Variants in FAT1 observed in about 807,000 individuals in gnomAD.
The protein encoded by FAT1 is protocadherin Fat 1.
In FAT1, 171 loss-of-function variants were observed where a neutral mutation model predicts 329.8. The observed-to-expected ratio is 0.52, with a 90% confidence interval of 0.46 to 0.59. The LOEUF (loss-of-function observed/expected upper bound fraction) is 0.59, where lower values mean the gene tolerates loss of function less well. Among genes scored for constraint, FAT1 ranks in the 20% least tolerant of loss-of-function variants. FAT1 has a pLI of 0.00. For synonymous variants in FAT1, 2,233 were observed against 2,228.6 expected, an observed-to-expected ratio of 1.00 and a Z score of -0.06; for missense variants, 5,672 against 5,774.4, an observed-to-expected ratio of 0.98 and a Z score of 0.57.
rs561942085 is a variant in FAT1, at chr4:186,687,663, A to G, written c.3265+18900T>C. Among the ~76,000 whole-genome samples, 30 of 152,294 alleles carry G rather than the reference A, an allele frequency of 2.0e-4. No homozygotes were observed. The South Asian group carries it at 6.2e-3, about 32-fold the overall frequency. On this transcript the variant is annotated intron_variant, in intron 2 of 26. Coordinates refer to ENST00000441802, the MANE Select transcript of FAT1 (RefSeq NM_005245.4). ...TGGGATGTCAACTGGTATAATGCGT[A>G]TATCTCAAAATCCAAATAAATCCAA...
intron 3 of FAT1, among the ~76,000 whole-genome samples, chr4:186,660,594 T>G (rs1742122032): frequency 6.6e-6 from 1 of 152,218 alleles, no homozygotes; most frequent in Non-Finnish European, 1.5e-5. Flanking sequence ...CCTGCCGCCC[T>G]GCCAGCGGAG....
chr4:186,723,417 T>A (rs766581902), intron 1 of FAT1, among the ~76,000 whole-genome samples: 3 of 152,172 alleles, frequency 2.0e-5, no homozygotes, highest in Non-Finnish European at 4.4e-5. Context: ...ACCCCAGCAA[T>A]GGCCCCGGAT....
chr4:186,658,562 G>A (rs1281862518), intron 3 of FAT1, among the ~76,000 whole-genome samples: 1 of 152,134 alleles, frequency 6.6e-6, no homozygotes, highest in Non-Finnish European at 1.5e-5. Context: ...CTCAAAAAGA[G>A]GTCACTTTTA....
At chr4:186,724,028 C>G (rs1013793788), upstream of FAT1, among the ~76,000 whole-genome samples, 1 of 151,576 alleles carries the variant, frequency 6.6e-6, no homozygotes, top group East Asian at 2.0e-4. This position sits in a 1 kb window ranked among gnomAD's most constrained non-coding sequence, Gnocchi z 5.3. Context: ...ACACCAGGTC[C>G]GTGCTGGGAG....
Position 186,619,340 on chromosome 4 carries a change from C to T in FAT1, c.7246G>A (p.Asp2416Asn), listed in dbSNP as rs1579330834. The T allele has an allele frequency of 6.2e-7, 1 of 1,614,044 alleles. No individual in the cohort carries two copies. Among genetic ancestry groups the T allele is most frequent in the East Asian group, 2.2e-5 (1 of 44,876 alleles). The change falls in exon 10 of 27, where the codon GAT (aspartate) becomes AAT (asparagine). Residue 2416 changes from aspartate (D) to asparagine (N), a missense_variant. Coordinates refer to ENST00000441802, the MANE Select transcript of FAT1 (RefSeq NM_005245.4). The part of the protein sequence containing the change: ...GHFVTCVKAY[D>N]ADSSDIDKLQ... ...TTGTCTATGTCTGAACTGTCTGCAT[C>T]ATAGGCTTTTACACAGGTCACGAAA...
At chr4:186,710,153 T>C (rs1051759315) in intron 1 of FAT1, among the ~76,000 whole-genome samples, 3 of 152,206 alleles carry the variant, frequency 2.0e-5, no homozygotes, top group African/African-American at 7.2e-5. Context: ...AACAACTAAG[T>C]TATATTTTTA....
intron 10 of FAT1, 22 bp downstream of exon 10, chr4:186,617,686 G>T (rs770643821): frequency 2.6e-6 from 4 of 1,512,920 alleles, no homozygotes; most frequent in South Asian, 2.6e-5. Flanking sequence ...TAATTAAACC[G>T]TTTGGTATGA....
intron 1 of FAT1, among the ~76,000 whole-genome samples, chr4:186,715,199 T>G (rs1745153322): frequency 1.3e-5 from 2 of 151,094 alleles, no homozygotes; most frequent in African/African-American, 4.9e-5. Context: ...CACGTCAGAC[T>G]GCTTTGGCTG....
chr4:186,631,201 G>A (rs1579355268), intron 7 of FAT1, among the ~76,000 whole-genome samples: 2 of 152,172 alleles, frequency 1.3e-5, no homozygotes, highest in Non-Finnish European at 1.5e-5. Context: ...CCATCCCCGA[G>A]GTATCCTAGT....
rs2126682584 is a variant in FAT1, at chr4:186,706,692, C to G, written c.3136G>C (p.Asp1046His). Residue 1046 changes from aspartate (D) to histidine (H), a missense_variant, in exon 2 of 27, where the codon GAT becomes CAT. Physicochemically the swap from Asp to His is moderately conservative, Grantham distance 81. Transcript: ENST00000441802. ...ATTACCAATGAACCAACAGGTGCAT[C>G]TTCTTTCACTGTCCCCTTTTCCACA... is the stretch of plus-strand genomic sequence containing the variant. ...SFVEKGTVKE[D>H]APVGSLVMTV... The G allele has an allele frequency of 6.2e-7, 1 of 1,614,016 alleles. No homozygotes were observed.
chr4:186,626,509 A>AATGC (rs1214291020), intron 9 of FAT1, among the ~76,000 whole-genome samples: 1 of 136,202 alleles, frequency 7.3e-6, no homozygotes, highest in Non-Finnish European at 1.6e-5. Flanking sequence ...CTACAGAATG[A>AATGC]ATGAATGAAT....
rs764280265 is a variant in FAT1, at chr4:186,611,765, C to A, written c.9474G>T (p.Arg3158=). Residue 3158 remains arginine, a synonymous_variant, in exon 14 of 27, where the codon CGG becomes CGT. Transcript: ENST00000441802. ...AGTCAATCAGTGAGTATAAAATCTT[C>A]CGATTTAATCCTATGAAGACATAAA... ...QATDADAGLN[R]KILYSLIDSA... The A allele has an allele frequency of 1.3e-6, 2 of 1,563,040 alleles. No individual in the cohort carries two copies. Among genetic ancestry groups the A allele is most frequent in the Non-Finnish European group, 1.7e-6 (2 of 1,153,910 alleles).
intron 2 of FAT1, among the ~76,000 whole-genome samples, chr4:186,669,143 C>G (rs77367573): frequency 3.9e-5 from 6 of 152,178 alleles, no homozygotes. Context: ...CTCCCCTCTG[C>G]GCTCCCCTCC....
chr4:186,644,271 A>C (rs1741249886), intron 3 of FAT1, among the ~76,000 whole-genome samples: 1 of 152,250 alleles, frequency 6.6e-6, no homozygotes, highest in Admixed American at 6.5e-5. Flanking sequence ...TAGTCATTTA[A>C]TAGATCCAAA....
chr4:186,604,852 A>G (rs115781375), intron 17 of FAT1, among the ~76,000 whole-genome samples: 1,870 of 151,880 alleles, frequency 0.012, 37 homozygotes, highest in African/African-American at 0.043. Flanking sequence ...AGCAGACACG[A>G]GGAGGAGTGG....
Position 186,588,421 on chromosome 4 carries a change from G to T in FAT1, c.*171C>A. 1 of 701,904 alleles carries T rather than the reference G, an allele frequency of 1.4e-6. No homozygotes were observed. Among genetic ancestry groups the T allele is most frequent in the Non-Finnish European group, 2.3e-6 (1 of 437,736 alleles). 43.5% of individuals were successfully genotyped at this position (701,904 alleles called of 1,614,324 possible). A position where few individuals can be genotyped will look rare whatever the true frequency, so the allele number is the denominator to read the frequency against. On this transcript the variant is annotated 3_prime_UTR_variant, in exon 27 of 27. Transcript: ENST00000441802. ...AGCCGATGAAAACCTCACGATGACA[G>T]TAGTTGGGACACTGGAAATGGCTAG...
intron 18 of FAT1, 62 bp downstream of exon 18, chr4:186,604,315 A>C (rs1340803533): frequency 2.9e-6 from 4 of 1,374,174 alleles, no homozygotes; most frequent in Non-Finnish European, 4.0e-6. Flanking sequence ...GAAGAGGGGA[A>C]CCACGCCAAG....
intron 3 of FAT1, among the ~76,000 whole-genome samples, chr4:186,647,575 G>A (rs1457964640): frequency 2.6e-5 from 4 of 152,130 alleles, no homozygotes; most frequent in Non-Finnish European, 4.4e-5. Context: ...ACCAAGCCCA[G>A]CTCCTTTTGC....
intron 3 of FAT1, among the ~76,000 whole-genome samples, chr4:186,647,470 C>G (rs1741434605): frequency 2.6e-5 from 4 of 152,164 alleles, no homozygotes; most frequent in Admixed American, 2.6e-4. Context: ...ACATAGACAA[C>G]TCTAAATGTA....
Sources: gnomAD v4.1 joint callset for allele counts (sites outside exome capture counted in the v4.1 genomes callset) on GRCh38, gnomAD v4.1.1 for gene constraint, Gnocchi (gnomAD v3.1) non-coding constraint, MANE v1.5 for transcripts, NCBI Gene and HGNC (gene_info 2026-07-23, HGNC 2026-07-21) for gene names.